The following WDR36 variants were observed in gnomAD, a reference collection of about 807,000 sequenced individuals.
WDR36 encodes the protein WD repeat domain 36, also known as WD repeat-containing protein 36.
A neutral mutation model predicts 112.7 loss-of-function variants in WDR36; 63 were observed. That is an observed-to-expected ratio of 0.56 (90% confidence interval 0.46 to 0.69). The LOEUF (loss-of-function observed/expected upper bound fraction) is 0.69. Ranked by LOEUF, WDR36 falls within the 30% of genes least tolerant of loss-of-function variation. WDR36 has a pLI of 0.00. For missense variants in WDR36, 1,226 were observed against 1,070.3 expected (o/e 1.15, Z -2.03); for synonymous variants, 410 against 362.2 (o/e 1.13, Z -1.50).
intron 18 of WDR36, 89 bp downstream of exon 18, chr5:111,120,682 A>G: frequency 9.3e-7 from 1 of 1,070,488 alleles, no homozygotes; most frequent in Non-Finnish European, 1.4e-6. Context: ...AGTTTAGTGC[A>G]TTCAATCAAA....
chr5:111,121,786 G>A (rs545681872), intron 19 of WDR36, among the ~76,000 whole-genome samples: 1 of 152,244 alleles, frequency 6.6e-6, no homozygotes, highest in East Asian at 1.9e-4. Context: ...CCCCACTAGT[G>A]AGTAGCAAAA....
At chr5:111,095,182 A>G in intron 2 of WDR36, 2 of 492,988 alleles carry the variant, frequency 4.1e-6, no homozygotes, top group Non-Finnish European at 7.3e-6. Context: ...GTGCTTCATG[A>G]CATTGACACA....
intron 21 of WDR36, among the ~76,000 whole-genome samples, chr5:111,125,117 C>G (rs1425193693): frequency 6.6e-6 from 1 of 152,136 alleles, no homozygotes; most frequent in Non-Finnish European, 1.5e-5. Context: ...GGTCTTCCCC[C>G]TCTGATTTTA....
intron 17 of WDR36, 24 bp downstream of exon 17, chr5:111,119,144 T>C (rs771992625): frequency 1.9e-6 from 3 of 1,562,322 alleles, no homozygotes; most frequent in Non-Finnish European, 2.6e-6. Context: ...TACAGTTCTG[T>C]TTTGGGATGA....
At chr5:111,099,722 A>G (rs1753080342) in intron 4 of WDR36, among the ~76,000 whole-genome samples, 1 of 152,104 alleles carries the variant, frequency 6.6e-6, no homozygotes, top group East Asian at 1.9e-4. Context: ...TGACTGACGA[A>G]TAAAGGCAAG....
chr5:111,097,754 T>C (rs756618269), intron 3 of WDR36, among the ~76,000 whole-genome samples: 3 of 152,166 alleles, frequency 2.0e-5, no homozygotes, highest in Non-Finnish European at 2.9e-5. Flanking sequence ...CTGGCCTTAA[T>C]GGTCTAGAAT....
Position 111,106,091 on chromosome 5 carries a change from A to G in WDR36, c.1128A>G (p.Gly376=). The change falls in exon 11 of 23, where the codon GGA becomes GGG. Residue 376 remains glycine (G), a synonymous_variant. Transcript: ENST00000513710. The part of the protein sequence containing the change: ...LINKKRVKRK[G]LQNTMSVRLP... ...ATAAAAAGAGAGTTAAACGTAAAGGACTTCAGAATACCATGTCAGTGAGAC... is the reference window on the plus strand; with the variant it reads ...ATAAAAAGAGAGTTAAACGTAAAGGGCTTCAGAATACCATGTCAGTGAGAC... 16 of 1,610,010 alleles carry G rather than the reference A, an allele frequency of 9.9e-6. No individual in the cohort carries two copies. The highest frequency in any genetic ancestry group is 1.4e-5 in the Non-Finnish European group (16 of 1,177,072).
intron 20 of WDR36, 87 bp downstream of exon 20, chr5:111,124,011 G>C: frequency 6.2e-7 from 1 of 1,602,938 alleles, no homozygotes. Flanking sequence ...TAGTTTTACA[G>C]ATATAGGGTA....
intron 1 of WDR36, among the ~76,000 whole-genome samples, chr5:111,094,699 A>T (rs978685991): frequency 6.6e-6 from 1 of 152,202 alleles, no homozygotes; most frequent in African/African-American, 2.4e-5. Flanking sequence ...TATTTGGCCC[A>T]TTATAGAAAA....
chr5:111,104,347 C>T lies in WDR36; in HGVS notation c.901C>T (p.Leu301Phe), dbSNP rs772723194. ...TGTCACAAATGGCGCTGACAATGCT[C>T]TTAGGGTATTATGATTATTGTTAAC... ...LLVTNGADNA[L>F]RIWIFDGPTG... The change falls in exon 8 of 23, where the codon CTT becomes TTT. Residue 301 changes from leucine to phenylalanine, a missense_variant. Physicochemically the swap from Leu to Phe is conservative, Grantham distance 22. Coordinates refer to ENST00000513710, the MANE Select transcript of WDR36 (RefSeq NM_139281.3). 8 of 1,611,570 alleles carry T rather than the reference C, an allele frequency of 5.0e-6. No individual in the cohort carries two copies. The highest frequency in any genetic ancestry group is 6.8e-6 in the Non-Finnish European group (8 of 1,178,288).
At chr5:111,115,621 T>G (rs965731093) in intron 16 of WDR36, among the ~76,000 whole-genome samples, 1 of 152,202 alleles carries the variant, frequency 6.6e-6, no homozygotes, top group Non-Finnish European at 1.5e-5. Context: ...CTTTGGAAAT[T>G]CCTAGTTCTT....
chr5:111,114,968 T>C lies in WDR36; in HGVS notation c.1796+1815T>C, dbSNP rs190275505. On this transcript the variant is annotated intron_variant, in intron 16 of 22. Coordinates refer to ENST00000513710, the MANE Select transcript of WDR36 (RefSeq NM_139281.3). ...GAATGAAAAAATTAGGATCTGAAAG[T>C]AGCATTCAAAGCCACTAACCTTTGA... Among the ~76,000 whole-genome samples, 793 of 152,302 alleles carry C rather than the reference T, an allele frequency of 5.2e-3. 7 individuals are homozygous for C. The highest frequency in any genetic ancestry group is 0.018 in the African/African-American group (766 of 41,582).
intron 2 of WDR36, among the ~76,000 whole-genome samples, chr5:111,096,571 G>C (rs983171580): frequency 6.6e-6 from 1 of 152,072 alleles, no homozygotes; most frequent in African/African-American, 2.4e-5. Flanking sequence ...GGGTGTGGTG[G>C]TGCACTCCTA....
chr5:111,104,934 A>G, intron 9 of WDR36, 117 bp downstream of exon 9: 3 of 1,505,140 alleles, frequency 2.0e-6, no homozygotes, highest in Non-Finnish European at 2.7e-6. Context: ...AGTGACTTAG[A>G]AGTCTGGGTA....
intron 15 of WDR36, chr5:111,111,546 A>T (rs900085007): frequency 2.6e-6 from 1 of 383,406 alleles, no homozygotes; most frequent in African/African-American, 2.1e-5. Context: ...AGAATGAATG[A>T]TCCATTGGTA....
At position 111,128,503 on chromosome 5, in the gene WDR36, C is replaced by G. The variant is rs1753721292; in HGVS notation, c.*1620C>G. ...TTTCCTCTTTCCTAAATACTATATT[C>G]TAAATTGGAATATGGCAAAATCCCA... On this transcript the variant is annotated 3_prime_UTR_variant, in exon 23 of 23. Transcript: ENST00000513710. The G allele has an allele frequency of 1.1e-5, 2 of 179,582 alleles. No homozygotes were observed. Among genetic ancestry groups the G allele is most frequent in the Admixed American group, 6.3e-5 (1 of 15,886 alleles). The allele number at this position is 179,582 out of a possible 1,614,324, so 11.1% of individuals were successfully genotyped here.
chr5:111,100,041 C>G (rs575792884), intron 4 of WDR36, among the ~76,000 whole-genome samples: 6 of 151,306 alleles, frequency 4.0e-5, no homozygotes, highest in Admixed American at 1.3e-4. Context: ...TGCCACCCCC[C>G]ACTCCACAGG....
chr5:111,097,701 T>G (rs1262016617), intron 3 of WDR36, among the ~76,000 whole-genome samples: 1 of 152,204 alleles, frequency 6.6e-6, no homozygotes, highest in Admixed American at 6.5e-5. Flanking sequence ...ATCTACCAGT[T>G]GGTTTCTGAA....
At chr5:111,105,993 T>A in intron 10 of WDR36, 64 bp from the exon 11 acceptor site, 1 of 1,287,136 alleles carries the variant, frequency 7.8e-7, no homozygotes, top group Non-Finnish European at 1.1e-6. Flanking sequence ...AGCTTTTCTT[T>A]TATATACACT....
Sources: allele counts gnomAD v4.1 joint callset (sites outside exome capture counted in the v4.1 genomes callset), GRCh38; gene constraint gnomAD v4.1.1; transcripts MANE v1.5; gene names NCBI Gene and HGNC (gene_info 2026-07-23, HGNC 2026-07-21).